Variants in SLC38A8 observed in about 807,000 individuals in gnomAD.
The protein encoded by SLC38A8 is solute carrier family 38 member 8, also known as amino acid transporter SLC38A8.
In SLC38A8, 65 loss-of-function variants were observed where a neutral mutation model predicts 46.0. That is an observed-to-expected ratio of 1.41 (90% CI 1.16 to 1.74). The LOEUF (loss-of-function observed/expected upper bound fraction) is 1.74. SLC38A8 is among the 40% of genes most tolerant of loss of function. SLC38A8 has a pLI of 0.00. For missense variants in SLC38A8, 998 were observed against 567.9 expected (o/e 1.76, Z -7.70); for synonymous variants, 447 against 243.7 (o/e 1.83, Z -7.77).
intron 1 of SLC38A8, 125 bp from the exon 2 acceptor site, chr16:84,042,284 G>T: frequency 1.9e-6 from 2 of 1,026,468 alleles, no homozygotes; most frequent in Non-Finnish European, 2.8e-6. Flanking sequence ...CCGCTTCCTT[G>T]GCGTCAGCTC....
At chr16:84,017,087 G>A (rs970452622) in intron 8 of SLC38A8, 53 bp downstream of exon 8, 9 of 1,604,478 alleles carry the variant, frequency 5.6e-6, no homozygotes, top group Admixed American at 3.4e-5. Flanking sequence ...CTCAATCACA[G>A]CACACATCAG....
intron 2 of SLC38A8, among the ~76,000 whole-genome samples, 163 bp from the exon 3 acceptor site, chr16:84,037,063 C>T (rs1222284346): frequency 6.6e-6 from 1 of 152,130 alleles, no homozygotes; most frequent in Non-Finnish European, 1.5e-5. Context: ...ACTGCACACA[C>T]CCCCACCCCA....
chr16:84,027,397 G>C (rs1301889095), intron 6 of SLC38A8, among the ~76,000 whole-genome samples: 5 of 151,920 alleles, frequency 3.3e-5, no homozygotes, highest in Admixed American at 2.0e-4. Context: ...ACACACACTA[G>C]AAGTCCTGGT....
intron 6 of SLC38A8, 143 bp downstream of exon 6, chr16:84,029,351 G>A (rs1462080372): frequency 4.0e-6 from 3 of 753,656 alleles, no homozygotes; most frequent in African/African-American, 1.8e-5. Context: ...GGGAACCACA[G>A]GTGGGCGGCA....
chr16:84,025,747 G>C (rs1302066738), intron 6 of SLC38A8, among the ~76,000 whole-genome samples: 1 of 152,196 alleles, frequency 6.6e-6, no homozygotes, highest in Non-Finnish European at 1.5e-5. Context: ...TCACCCCCAG[G>C]ACACATTCTG....
chr16:84,018,395 A>T (rs1440044609), intron 7 of SLC38A8, among the ~76,000 whole-genome samples: 1 of 151,622 alleles, frequency 6.6e-6, no homozygotes, highest in Non-Finnish European at 1.5e-5. Context: ...ACATTTTTGA[A>T]TTTTTAGTAA....
intron 6 of SLC38A8, among the ~76,000 whole-genome samples, chr16:84,026,228 G>GTGTTTTGTTT (rs111629379): frequency 1.3e-5 from 2 of 152,010 alleles, no homozygotes; most frequent in African/African-American, 4.8e-5. Context: ...GTTTCTACTG[G>GTGTTTTGTTT]TGTTTTGTTT....
intron 6 of SLC38A8, among the ~76,000 whole-genome samples, chr16:84,028,713 C>T (rs2085198361): frequency 6.6e-6 from 1 of 151,042 alleles, no homozygotes; most frequent in African/African-American, 2.4e-5. Flanking sequence ...CCACCTTCCC[C>T]CCAGCGCTGT....
chr16:84,019,203 T>C (rs1207650074), intron 7 of SLC38A8, among the ~76,000 whole-genome samples: 2 of 151,998 alleles, frequency 1.3e-5, no homozygotes, highest in African/African-American at 2.4e-5. Flanking sequence ...GCCTCCTGAG[T>C]AGCCTGGATT....
chr16:84,039,308 T>C (rs1203236029), intron 2 of SLC38A8, among the ~76,000 whole-genome samples: 2 of 152,212 alleles, frequency 1.3e-5, no homozygotes, highest in East Asian at 1.9e-4. Flanking sequence ...AACAGACACA[T>C]GCAATTGTAA....
At chr16:84,021,073 G>A (rs1195578229) in intron 7 of SLC38A8, among the ~76,000 whole-genome samples, 3 of 151,926 alleles carry the variant, frequency 2.0e-5, no homozygotes, top group Admixed American at 2.0e-4. Flanking sequence ...TTGCCGGCAG[G>A]GGAGGGATGA....
At chr16:84,020,620 G>A (rs371973547) in intron 7 of SLC38A8, among the ~76,000 whole-genome samples, 16 of 152,294 alleles carry the variant, frequency 1.1e-4, no homozygotes, top group East Asian at 3.9e-4. Flanking sequence ...CTGGTGCAGC[G>A]AGGATCTCTG....
At chr16:84,016,812 T>A in intron 8 of SLC38A8, 85 bp from the exon 9 acceptor site, 1 of 1,404,362 alleles carries the variant, frequency 7.1e-7, no homozygotes, top group Non-Finnish European at 9.7e-7. Context: ...CCTCCAGGAG[T>A]CCCCTCACAC....
At chr16:84,031,715 G>T in intron 5 of SLC38A8, 152 bp downstream of exon 5, 1 of 672,210 alleles carries the variant, frequency 1.5e-6, no homozygotes, top group Non-Finnish European at 2.5e-6. Context: ...GCCCTCCCTT[G>T]CCTTCACCGC....
chr16:84,039,163 C>G (rs1292595841), intron 2 of SLC38A8, among the ~76,000 whole-genome samples: 2 of 152,180 alleles, frequency 1.3e-5, no homozygotes, highest in Admixed American at 6.5e-5. Context: ...ACCAGGAGCT[C>G]GAAGAGCCTT....
intron 6 of SLC38A8, among the ~76,000 whole-genome samples, chr16:84,028,695 C>G (rs1238890169): frequency 6.6e-6 from 1 of 151,016 alleles, no homozygotes; most frequent in Non-Finnish European, 1.5e-5. Context: ...CCTGCCCCCC[C>G]TGCCCCGCCA....
intron 7 of SLC38A8, among the ~76,000 whole-genome samples, chr16:84,020,380 A>C (rs1311055738): frequency 6.6e-6 from 1 of 152,080 alleles, no homozygotes; most frequent in Non-Finnish European, 1.5e-5. Context: ...TCCTGGCCTC[A>C]AGCAGTCCTT....
Position 84,029,510 on chromosome 16 carries a change from A to G in SLC38A8, c.674T>C (p.Ile225Thr), listed in dbSNP as rs781024671. 5 of 1,613,996 alleles carry G rather than the reference A, an allele frequency of 3.1e-6. No homozygotes were observed. In the African/African-American group the frequency reaches 4.0e-5, roughly 13 times the overall value. ...TAAAATTACCTGAAACCCGAAGCAG[A>G]TGGTGGGGAAGACACTGAACACAGA... ...WTSVFSVFPT[I>T]CFGFQCHEAA... The change falls in exon 6 of 11, where the codon ATC (isoleucine) becomes ACC (threonine). Residue 225 changes from isoleucine (I) to threonine (T), a missense_variant. Ile to Thr is a moderately conservative substitution (Grantham distance 89). Transcript: ENST00000299709.
intron 7 of SLC38A8, among the ~76,000 whole-genome samples, chr16:84,018,345 G>A (rs1447571880): frequency 2.1e-5 from 3 of 145,964 alleles, no homozygotes; most frequent in African/African-American, 7.7e-5. Context: ...CCATTCTCCT[G>A]CCCTAGCCTC....
Sources: gnomAD v4.1 joint callset for allele counts (sites outside exome capture counted in the v4.1 genomes callset) on GRCh38, gnomAD v4.1.1 for gene constraint, MANE v1.5 for transcripts, NCBI Gene and HGNC (gene_info 2026-07-23, HGNC 2026-07-21) for gene names.